IGF2BP2: variants seen among roughly 807,000 people sequenced by gnomAD.
The protein encoded by IGF2BP2 is insulin like growth factor 2 mRNA binding protein 2, also known as insulin-like growth factor 2 mRNA-binding protein 2.
Under a neutral mutation model 75.8 loss-of-function variants are expected in IGF2BP2, and 17 were observed. The observed-to-expected ratio is 0.22, with a 90% CI of 0.15 to 0.34. The LOEUF (loss-of-function observed/expected upper bound fraction) is 0.34. Among genes scored for constraint, IGF2BP2 ranks in the 10% least tolerant of loss-of-function variants. The pLI, the probability that IGF2BP2 is intolerant of heterozygous loss-of-function variation, is 1.00. For missense variants in IGF2BP2, 516 were observed against 772.4 expected, an observed-to-expected ratio of 0.67 and a Z score of 3.93; for synonymous variants, 288 against 295.6, an observed-to-expected ratio of 0.97 and a Z score of 0.26.
At chr3:185,737,883 T>G (rs192423806) in intron 2 of IGF2BP2, among the ~76,000 whole-genome samples, 2 of 152,186 alleles carry the variant, frequency 1.3e-5, no homozygotes, top group African/African-American at 2.4e-5. Flanking sequence ...CTTTATAACA[T>G]TGTGGTGATC....
chr3:185,689,771 A>G, intron 5 of IGF2BP2, 144 bp from the exon 6 acceptor site: 1 of 869,454 alleles, frequency 1.2e-6, no homozygotes. Context: ...GATCGAGACC[A>G]TCCCGGCTAA....
At chr3:185,690,750 T>C (rs965167611) in intron 5 of IGF2BP2, among the ~76,000 whole-genome samples, 1 of 152,212 alleles carries the variant, frequency 6.6e-6, no homozygotes, top group Admixed American at 6.5e-5. Context: ...ATTTGTGTCC[T>C]TGAATCTTCA....
intron 2 of IGF2BP2, among the ~76,000 whole-genome samples, chr3:185,770,859 T>C (rs1463059252): frequency 2.0e-5 from 3 of 152,172 alleles, no homozygotes; most frequent in Non-Finnish European, 4.4e-5. Flanking sequence ...GAAGTAATCC[T>C]CCCACCTCAG....
intron 7 of IGF2BP2, among the ~76,000 whole-genome samples, chr3:185,679,697 A>C (rs902603346): frequency 4.0e-5 from 6 of 151,674 alleles, no homozygotes; most frequent in Non-Finnish European, 8.8e-5. Flanking sequence ...GCTCACTGTA[A>C]CCTCCACCTC....
chr3:185,815,591 T>C (rs1000861904), intron 2 of IGF2BP2, among the ~76,000 whole-genome samples: 1 of 152,202 alleles, frequency 6.6e-6, no homozygotes, highest in East Asian at 1.9e-4. Flanking sequence ...GCCTAGCACG[T>C]AGCAGCCACC....
At chr3:185,771,647 C>T (rs1281483419) in intron 2 of IGF2BP2, among the ~76,000 whole-genome samples, 3 of 152,120 alleles carry the variant, frequency 2.0e-5, no homozygotes, top group African/African-American at 7.2e-5. Context: ...TGGCTGCCGT[C>T]GCTTCTCAAC....
At chr3:185,663,725 T>C (rs1437931179) in intron 10 of IGF2BP2, among the ~76,000 whole-genome samples, 2 of 152,198 alleles carry the variant, frequency 1.3e-5, no homozygotes, top group African/African-American at 2.4e-5. Flanking sequence ...TTCATTCCAA[T>C]TTCATTTATT....
At chr3:185,823,866 A>T (rs1004007877) in intron 1 of IGF2BP2, among the ~76,000 whole-genome samples, 67 of 149,614 alleles carry the variant, frequency 4.5e-4, no homozygotes, top group African/African-American at 1.6e-3. Context: ...CGCGCGCGCG[A>T]GTGTGTGTGT....
At chr3:185,811,090 T>A (rs1386400029) in intron 2 of IGF2BP2, among the ~76,000 whole-genome samples, 4 of 152,180 alleles carry the variant, frequency 2.6e-5, no homozygotes, top group African/African-American at 9.6e-5. Context: ...ACAAAAGAAT[T>A]TCAGATGGTT....
intron 2 of IGF2BP2, among the ~76,000 whole-genome samples, chr3:185,799,605 A>G (rs898275324): frequency 1.3e-5 from 2 of 152,114 alleles, no homozygotes; most frequent in African/African-American, 4.8e-5. Context: ...AAAAAAAATT[A>G]GCTGGGCGTG....
intron 2 of IGF2BP2, among the ~76,000 whole-genome samples, chr3:185,759,827 GA>G (rs2149686403): frequency 6.6e-6 from 1 of 152,290 alleles, no homozygotes; most frequent in South Asian, 2.1e-4. Flanking sequence ...AGTTAACAGC[GA>G]AAGATAATAT....
At chr3:185,719,393 C>A (rs1394125653) in intron 2 of IGF2BP2, among the ~76,000 whole-genome samples, 1 of 152,226 alleles carries the variant, frequency 6.6e-6, no homozygotes, top group Non-Finnish European at 1.5e-5. Flanking sequence ...CACTAGCAAT[C>A]TGCTGCAGCA....
At chr3:185,757,018 T>C (rs1468116648) in intron 2 of IGF2BP2, among the ~76,000 whole-genome samples, 1 of 152,208 alleles carries the variant, frequency 6.6e-6, no homozygotes, top group East Asian at 1.9e-4. Flanking sequence ...AAAATCTTAA[T>C]GTGTTCTTCC....
At chr3:185,791,740 T>C (rs1010420724) in intron 2 of IGF2BP2, among the ~76,000 whole-genome samples, 1 of 152,230 alleles carries the variant, frequency 6.6e-6, no homozygotes, top group African/African-American at 2.4e-5. Flanking sequence ...TTAAATATCC[T>C]AACCAGCCAC....
At chr3:185,678,524 T>A (rs925448072) in intron 7 of IGF2BP2, among the ~76,000 whole-genome samples, 2 of 152,256 alleles carry the variant, frequency 1.3e-5, no homozygotes, top group African/African-American at 4.8e-5. Context: ...GTAGTATAAT[T>A]TCAATCTTCT....
chr3:185,818,473 T>G (rs1212274219), intron 2 of IGF2BP2, among the ~76,000 whole-genome samples: 1 of 152,212 alleles, frequency 6.6e-6, no homozygotes, highest in Non-Finnish European at 1.5e-5. Context: ...CCAAGCAACT[T>G]TCTTGAGCCT....
intron 2 of IGF2BP2, chr3:185,716,525 A>G (rs1184326233): frequency 1.9e-6 from 1 of 520,032 alleles, no homozygotes; most frequent in Non-Finnish European, 3.8e-6. Context: ...GGGCTGCTTT[A>G]TCCTGTAGCC....
At chr3:185,658,237 C>T in intron 11 of IGF2BP2, 104 bp downstream of exon 11, 1 of 1,123,852 alleles carries the variant, frequency 8.9e-7, no homozygotes, top group African/African-American at 1.5e-5. Flanking sequence ...ACCAGAACCA[C>T]AGGAGACAAG....
intron 2 of IGF2BP2, among the ~76,000 whole-genome samples, chr3:185,808,609 G>C (rs976526042): frequency 2.0e-5 from 3 of 151,704 alleles, no homozygotes; most frequent in African/African-American, 4.9e-5. Context: ...ACCCAGGCTG[G>C]AGTGCAGTGG....
Sources: allele counts gnomAD v4.1 joint callset (sites outside exome capture counted in the v4.1 genomes callset), GRCh38; gene constraint gnomAD v4.1.1; transcripts MANE v1.5; gene names NCBI Gene and HGNC (gene_info 2026-07-23, HGNC 2026-07-21).